The following INVS variants were observed in gnomAD, a reference collection of about 807,000 sequenced individuals.
The protein encoded by INVS is inversion of embryo turning homolog.
Under a neutral mutation model 108.8 loss-of-function variants are expected in INVS, and 86 were observed. The ratio of observed to expected loss-of-function variants is 0.79; its 90% CI spans 0.66 to 0.95. The LOEUF (loss-of-function observed/expected upper bound fraction) is 0.95. Ranked by LOEUF, INVS falls within the 40% of genes least tolerant of loss-of-function variation. The pLI is 0.00. For synonymous variants in INVS, 455 were observed against 473.5 expected (o/e 0.96, Z 0.51); for missense variants, 1,169 against 1,297.4 (o/e 0.90, Z 1.52).
rs1329074400 is a variant in INVS, at chr9:100,300,694, GT to G, written c.*21del. 3 of 1,525,136 alleles carry G rather than the reference GT, an allele frequency of 2.0e-6. No individual in the cohort carries two copies. Among genetic ancestry groups the G allele is most frequent in the Non-Finnish European group, 1.8e-6 (2 of 1,100,638 alleles). 94.5% of individuals were successfully genotyped at this position (1,525,136 alleles called of 1,614,324 possible). ...CCTTGACTGCCTATGGAGGAAGACT[GT>G]GTTCGGGGGAGCTGGCATAGCTAGT... On this transcript the variant is annotated 3_prime_UTR_variant, in exon 17 of 17. Transcript: ENST00000262457.
intron 3 of INVS, among the ~76,000 whole-genome samples, chr9:100,212,954 AG>A (rs1044029515): frequency 2.9e-4 from 44 of 152,206 alleles, no homozygotes; most frequent in African/African-American, 9.6e-4. Context: ...ACAGTTCTGG[AG>A]GCTGGAGAGT....
chr9:100,272,902 A>T lies in INVS; in HGVS notation c.1610A>T (p.His537Leu). The T allele has an allele frequency of 6.2e-7, 1 of 1,614,048 alleles. No individual in the cohort carries two copies. The highest frequency in any genetic ancestry group is 8.5e-7 in the Non-Finnish European group (1 of 1,180,000). Residue 537 changes from histidine (H) to leucine (L), a missense_variant, in exon 12 of 17, where the codon CAT becomes CTT. Around this residue, in one of 3 missense-constraint regions of INVS, gnomAD observed 271 missense variants for 363.8 expected, o/e 0.74. Coordinates refer to ENST00000262457, the MANE Select transcript of INVS (RefSeq NM_014425.5). ...GATTATGCTTTGCTTGGTGAGCGCCATGAAGTGATCCAGTTCATGTTGGAG... is the reference window on the plus strand; with the variant it reads ...GATTATGCTTTGCTTGGTGAGCGCCTTGAAGTGATCCAGTTCATGTTGGAG... ...PLDYALLGER[H>L]EVIQFMLEHG...
At chr9:100,209,279 A>G (rs1027813780) in intron 3 of INVS, among the ~76,000 whole-genome samples, 1 of 152,248 alleles carries the variant, frequency 6.6e-6, no homozygotes, top group Admixed American at 6.5e-5. Context: ...TGAAGTAGCT[A>G]TAGGGAGCAG....
chr9:100,270,680 G>A (rs966978929), intron 11 of INVS, among the ~76,000 whole-genome samples: 10 of 149,708 alleles, frequency 6.7e-5, no homozygotes, highest in African/African-American at 1.2e-4. Flanking sequence ...CCTGGGAGGC[G>A]GAGATTGCAG....
chr9:100,178,960 C>G (rs1302560835), intron 3 of INVS, among the ~76,000 whole-genome samples: 1 of 152,164 alleles, frequency 6.6e-6, no homozygotes, highest in Non-Finnish European at 1.5e-5. Context: ...CCCTACAAGC[C>G]AGAAGAGAGT....
At chr9:100,230,786 G>A (rs1462336334) in intron 5 of INVS, among the ~76,000 whole-genome samples, 1 of 152,186 alleles carries the variant, frequency 6.6e-6, no homozygotes, top group African/African-American at 2.4e-5. Context: ...CAAAGTGCTG[G>A]GATTACAGGC....
intron 3 of INVS, among the ~76,000 whole-genome samples, chr9:100,129,489 G>A (rs978310179): frequency 5.3e-5 from 8 of 151,324 alleles, no homozygotes; most frequent in African/African-American, 1.9e-4. Flanking sequence ...GTGAGACCCT[G>A]CCTCAAAAAA....
intron 3 of INVS, among the ~76,000 whole-genome samples, chr9:100,191,957 T>A (rs1465781730): frequency 6.6e-6 from 1 of 152,182 alleles, no homozygotes; most frequent in African/African-American, 2.4e-5. Context: ...TCTGAGTTCC[T>A]TGGTTATAGA....
intron 10 of INVS, among the ~76,000 whole-genome samples, chr9:100,257,085 G>C (rs1832443887): frequency 6.6e-6 from 1 of 152,132 alleles, no homozygotes; most frequent in South Asian, 2.1e-4. Context: ...TTATGAATCT[G>C]GGTGCTCCTG....
At chr9:100,102,684 A>C (rs1827036100) in intron 1 of INVS, 1 of 152,368 alleles carries the variant, frequency 6.6e-6, no homozygotes, top group Non-Finnish European at 1.5e-5. Context: ...TAAGTTTGGC[A>C]TCAATATGGT....
chr9:100,244,062 A>G (rs938726460), intron 7 of INVS, among the ~76,000 whole-genome samples: 1 of 152,154 alleles, frequency 6.6e-6, no homozygotes, highest in Non-Finnish European at 1.5e-5. Flanking sequence ...GTATAATTTC[A>G]TCTTTGTGAC....
chr9:100,229,999 A>G (rs1487412338), intron 5 of INVS, among the ~76,000 whole-genome samples, 172 bp downstream of exon 5: 1 of 152,176 alleles, frequency 6.6e-6, no homozygotes, highest in East Asian at 1.9e-4. Flanking sequence ...ACCACTATTT[A>G]AGACCACATA....
Position 100,177,425 on chromosome 9 carries a change from T to G in INVS, c.274-48637T>G, listed in dbSNP as rs546561774. On this transcript the variant is annotated intron_variant, in intron 3 of 16. Transcript: ENST00000262457. ...GCAGTCTGAAGTCGACCTGGGACAC[T>G]CTAGCTTGGTGGGGGGAGGGGCGTC... Among the ~76,000 whole-genome samples the G allele has an allele frequency of 5.9e-5, 9 of 152,294 alleles. No homozygotes were observed. The East Asian group carries it at 1.7e-3, about 29-fold the overall frequency.
At chr9:100,185,272 C>A (rs1240220932) in intron 3 of INVS, among the ~76,000 whole-genome samples, 1 of 151,486 alleles carries the variant, frequency 6.6e-6, no homozygotes, top group Non-Finnish European at 1.5e-5. Context: ...GAAAAATATA[C>A]AATTAGATAT....
At chr9:100,138,700 C>CTTTTTT (rs36096327) in intron 3 of INVS, among the ~76,000 whole-genome samples, 53 of 124,912 alleles carry the variant, frequency 4.2e-4, no homozygotes, top group African/African-American at 1.5e-3. Flanking sequence ...TGATGGTTTC[C>CTTTTTT]TTTTTTTTTT....
At chr9:100,170,191 G>T (rs1829491662) in intron 3 of INVS, among the ~76,000 whole-genome samples, 1 of 152,134 alleles carries the variant, frequency 6.6e-6, no homozygotes, top group Non-Finnish European at 1.5e-5. Flanking sequence ...ATTTCATGCA[G>T]TTCTTCTAGA....
intron 3 of INVS, among the ~76,000 whole-genome samples, chr9:100,191,399 G>A (rs1189117130): frequency 1.3e-5 from 2 of 152,004 alleles, no homozygotes; most frequent in African/African-American, 2.4e-5. Flanking sequence ...CTTTACTCTT[G>A]TCTGATTGGG....
At chr9:100,207,573 G>GT (rs1169172079) in intron 3 of INVS, among the ~76,000 whole-genome samples, 3 of 152,122 alleles carry the variant, frequency 2.0e-5, no homozygotes, top group African/African-American at 7.2e-5. Flanking sequence ...GATTATAGGT[G>GT]TGACCCACTG....
intron 3 of INVS, among the ~76,000 whole-genome samples, chr9:100,136,284 G>A (rs1040735616): frequency 6.6e-6 from 1 of 152,050 alleles, no homozygotes; most frequent in African/African-American, 2.4e-5. Context: ...AAATTGTGGT[G>A]GGAAAATTTT....
Sources: allele counts gnomAD v4.1 joint callset (sites outside exome capture counted in the v4.1 genomes callset), GRCh38; gene constraint gnomAD v4.1.1; regional missense constraint gnomAD v4.1.1; transcripts MANE v1.5; gene names NCBI Gene and HGNC (gene_info 2026-07-23, HGNC 2026-07-21).